WTIP: variants seen among roughly 807,000 people sequenced by gnomAD.
WTIP encodes the protein Wilms tumor protein 1-interacting protein.
In WTIP, 23 loss-of-function variants were observed where a neutral mutation model predicts 41.7. The observed-to-expected ratio is 0.55, with a 90% CI of 0.40 to 0.78. The LOEUF (loss-of-function observed/expected upper bound fraction) is 0.78. WTIP is among the 30% of genes least tolerant of loss of function. The probability of loss-of-function intolerance (pLI) is 0.00; values close to 1 mark genes in which losing one functional copy is unlikely to be tolerated. For synonymous variants in WTIP, 314 were observed against 269.9 expected (o/e 1.16, Z -1.60); for missense variants, 619 against 610.5 (o/e 1.01, Z -0.15).
Position 34,493,622 on chromosome 19 carries a change from C to G in WTIP, c.1031C>G (p.Thr344Arg). The G allele has an allele frequency of 2.5e-6, 4 of 1,613,314 alleles. No individual in the cohort carries two copies. The highest frequency in any genetic ancestry group is 3.4e-6 in the Non-Finnish European group (4 of 1,179,874). The change falls in exon 5 of 8, where the codon ACG (threonine) becomes AGG (arginine). Residue 344 changes from threonine to arginine, a missense_variant and splice_region_variant. Thr to Arg is a moderately conservative substitution (Grantham distance 71). This residue lies in a region of WTIP where 164 missense variants were observed against 219.1 expected (regional missense o/e 0.75). Transcript: ENST00000590071. This position sits in a 1 kb window ranked among gnomAD's most constrained non-coding sequence, Gnocchi z 4.1. Reference sequence around the variant, plus strand: ...ATCTACTGCGTGCGAGACTATCACACGTGAGTTGCTGGTGCTGTGGAGCAG... The same window carrying G: ...ATCTACTGCGTGCGAGACTATCACAGGTGAGTTGCTGGTGCTGTGGAGCAG... ...NNIYCVRDYHTVFAPKCASCA... is the reference protein window; with the variant it reads ...NNIYCVRDYHRVFAPKCASCA...
At chr19:34,495,653 C>T (rs2075849111) in intron 6 of WTIP, 50 bp from the exon 7 acceptor site, 1 of 1,604,304 alleles carries the variant, frequency 6.2e-7, no homozygotes, top group Non-Finnish European at 8.5e-7. Context: ...ACGCAGTTTG[C>T]CTCCAGTCCC....
chr19:34,493,468 C>T lies in WTIP; in HGVS notation c.901-24C>T, dbSNP rs1428661785. On this transcript the variant is annotated intron_variant, in intron 4 of 7. Coordinates refer to ENST00000590071, the MANE Select transcript of WTIP (RefSeq NM_001080436.2). The surrounding 1 kb of genome is among the most constrained non-coding windows in gnomAD (Gnocchi z 4.1). ...GTGCTGAGCCTCCTGCCCGCGCTGA[C>T]CCCTCAGTGTGCCCCGCCCACAGAT... 2 of 1,612,630 alleles carry T rather than the reference C, an allele frequency of 1.2e-6. No individual in the cohort carries two copies. Among genetic ancestry groups the T allele is most frequent in the African/African-American group, 2.7e-5 (2 of 74,904 alleles).
At position 34,482,410 on chromosome 19, in the gene WTIP, A is replaced by C; in HGVS notation, c.436A>C (p.Ser146Arg). ...GGGCAGCGCCCGCTCCAGCGTTTCC[A>C]GCCTCGGCTCCCGGGGCTCGGCCGG... ...SVGSARSSVS[S>R]LGSRGSAGAY... The change falls in exon 1 of 8, where the codon AGC becomes CGC. Residue 146 changes from serine (S) to arginine (R), a missense_variant. Around this residue, in one of 3 missense-constraint regions of WTIP, gnomAD observed 363 missense variants for 309.0 expected, o/e 1.17. Coordinates refer to ENST00000590071, the MANE Select transcript of WTIP (RefSeq NM_001080436.2). 7.4e-7 allele frequency: 1 copy of C among 1,359,510 alleles called. No homozygotes were observed. 84.2% of individuals were successfully genotyped at this position (1,359,510 alleles called of 1,614,324 possible).
At chr19:34,490,757 A>G (rs538578160) in intron 2 of WTIP, among the ~76,000 whole-genome samples, 2 of 152,332 alleles carry the variant, frequency 1.3e-5, no homozygotes, top group South Asian at 4.1e-4. Context: ...GAGCAGCGTC[A>G]GAAGCCCATG....
chr19:34,482,023 G>A lies in WTIP; in HGVS notation c.49G>A (p.Gly17Arg). 3.9e-6 allele frequency: 4 copies of A among 1,024,706 alleles called. No individual in the cohort carries two copies. The highest frequency in any genetic ancestry group is 4.7e-6 in the Non-Finnish European group (4 of 856,806). 63.5% of individuals were successfully genotyped at this position (1,024,706 alleles called of 1,614,324 possible). ...GGACGAGGCGGCCCTACTCCTGGCCGGGCTGGCCCTGCGGGAGCTGGAGCC... is the reference window on the plus strand; with the variant it reads ...GGACGAGGCGGCCCTACTCCTGGCCAGGCTGGCCCTGCGGGAGCTGGAGCC... The part of the protein sequence containing the change: ...GADEAALLLA[G>R]LALRELEPGC... Residue 17 changes from glycine (G) to arginine (R), a missense_variant, in exon 1 of 8, where the codon GGG becomes AGG. Transcript: ENST00000590071.
At chr19:34,500,069 G>A (rs1452012451) in intron 7 of WTIP, 60 bp from the exon 8 acceptor site, 9 of 1,566,272 alleles carry the variant, frequency 5.7e-6, no homozygotes, top group Admixed American at 1.7e-5. Flanking sequence ...CCCCCGTCCC[G>A]TGACCTCTGA....
At chr19:34,495,011 CCTGGCCTGGGGTCTTCCCACAGTG>C in intron 6 of WTIP, among the ~76,000 whole-genome samples, 1 of 152,350 alleles carries the variant, frequency 6.6e-6, no homozygotes. Context: ...CTACAGCTCT[CCTGGCCTGGGGTCTTCCCACAGTG>C]CTGGCTCTGT....
At position 34,482,661 on chromosome 19, in the gene WTIP, C is replaced by T. The variant is rs2075774992; in HGVS notation, c.667+20C>T. 8.2e-7 allele frequency: 1 copy of T among 1,226,280 alleles called. No individual in the cohort carries two copies. The allele number at this position is 1,226,280 out of a possible 1,614,324, so 76.0% of individuals were successfully genotyped here. A position where few individuals can be genotyped will look rare whatever the true frequency, so the allele number is the denominator to read the frequency against. The stretch of plus-strand genomic sequence containing the variant: ...ACTTCGGTGAGCTCGCTCGGCCCGG[C>T]AGTTCCCTGCGCGCATGGCTGGGGT... On this transcript the variant is annotated intron_variant, in intron 1 of 7. Coordinates refer to ENST00000590071, the MANE Select transcript of WTIP (RefSeq NM_001080436.2).
intron 7 of WTIP, among the ~76,000 whole-genome samples, chr19:34,499,521 C>T (rs759445808): frequency 9.2e-5 from 14 of 151,958 alleles, no homozygotes; most frequent in Admixed American, 6.6e-5. Context: ...CAACAACAAA[C>T]GAATAAACAA....
At chr19:34,486,960 T>C (rs1216288209) in intron 1 of WTIP, among the ~76,000 whole-genome samples, 1 of 151,528 alleles carries the variant, frequency 6.6e-6, no homozygotes, top group Non-Finnish European at 1.5e-5. Context: ...AGACAGGATC[T>C]AGCTCTGTTG....
rs2075837650 is a variant in WTIP at position 34,493,594 on chromosome 19, A to G, written c.1003A>G (p.Asn335Asp). 1 of 1,613,604 alleles carries G rather than the reference A, an allele frequency of 6.2e-7. No individual in the cohort carries two copies. Among genetic ancestry groups the G allele is most frequent in the Non-Finnish European group, 8.5e-7 (1 of 1,179,878 alleles). ...GVPFTVDVEN[N>D]IYCVRDYHTV... ...TCCCTTCACCGTGGACGTGGAGAAC[A>G]ACATCTACTGCGTGCGAGACTATCA... Residue 335 changes from asparagine (N) to aspartate (D), a missense_variant, in exon 5 of 8, where the codon AAC becomes GAC. Asn to Asp is a conservative substitution (Grantham distance 23, BLOSUM62 1). Around this residue, in one of 3 missense-constraint regions of WTIP, gnomAD observed 164 missense variants for 219.1 expected, o/e 0.75. Coordinates refer to ENST00000590071, the MANE Select transcript of WTIP (RefSeq NM_001080436.2). This position sits in a 1 kb window ranked among gnomAD's most constrained non-coding sequence, Gnocchi z 4.1.
Position 34,482,279 on chromosome 19 carries a change from GC to G in WTIP, c.306del (p.Gly103AlafsTer198). On this transcript the variant is annotated frameshift_variant, in exon 1 of 8. Transcript: ENST00000590071. LOFTEE classifies it high-confidence loss of function. Reference sequence around the variant, plus strand: ...GCGGGGTCCGACGGCGGCGGCGGTGGCGGCAGCGCCCGATCCAGCGGCATCA... The same window carrying G: ...GCGGGGTCCGACGGCGGCGGCGGTGGGGCAGCGCCCGATCCAGCGGCATCA... Reference protein sequence around the residue: ...SLAGSDGGGGGGSARSSGISL... With the variant: ...SLAGSDGGGGXGSARSSGISL... 1 of 1,317,410 alleles carries G rather than the reference GC, an allele frequency of 7.6e-7. No homozygotes were observed. The highest frequency in any genetic ancestry group is 9.7e-7 in the Non-Finnish European group (1 of 1,026,292). 81.6% of individuals were successfully genotyped at this position (1,317,410 alleles called of 1,614,324 possible).
intron 1 of WTIP, among the ~76,000 whole-genome samples, chr19:34,488,456 C>T (rs1241110648): frequency 6.6e-6 from 1 of 152,202 alleles, no homozygotes; most frequent in African/African-American, 2.4e-5. Context: ...GCCTCAAACT[C>T]CCAGGCTTAA....
intron 7 of WTIP, among the ~76,000 whole-genome samples, chr19:34,498,376 G>A (rs570862827): frequency 1.3e-5 from 2 of 152,172 alleles, no homozygotes; most frequent in African/African-American, 2.4e-5. Context: ...ACTTCCTTCC[G>A]GGCCCCCCAG....
At position 34,493,897 on chromosome 19, in the gene WTIP, C is replaced by T. The variant is rs965608734; in HGVS notation, c.1031+275C>T. On this transcript the variant is annotated intron_variant, in intron 5 of 7. Coordinates refer to ENST00000590071, the MANE Select transcript of WTIP (RefSeq NM_001080436.2). This position sits in a 1 kb window ranked among gnomAD's most constrained non-coding sequence, Gnocchi z 4.1. ...AGGGGACCCTCCTGGCTGCAGTACC[C>T]ACCATCTTTCCCCCTCCTCCCCTCC... Among the ~76,000 whole-genome samples the T allele has an allele frequency of 3.3e-5, 5 of 152,076 alleles. No individual in the cohort carries two copies. The highest frequency in any genetic ancestry group is 9.7e-5 in the African/African-American group (4 of 41,402).
In WTIP at chr19:34,482,368, C is replaced by A; in HGVS notation, c.394C>A (p.Pro132Thr). The A allele has an allele frequency of 1.5e-6, 2 of 1,375,078 alleles. No individual in the cohort carries two copies. The highest frequency in any genetic ancestry group is 1.9e-6 in the Non-Finnish European group (2 of 1,060,942). The allele number at this position is 1,375,078 out of a possible 1,614,324, so 85.2% of individuals were successfully genotyped here. Residue 132 changes from proline to threonine, a missense_variant, in exon 1 of 8, where the codon CCC becomes ACC. Around this residue, in one of 3 missense-constraint regions of WTIP, gnomAD observed 363 missense variants for 309.0 expected, o/e 1.17. Coordinates refer to ENST00000590071, the MANE Select transcript of WTIP (RefSeq NM_001080436.2). Reference protein sequence around the residue: ...RSGRSDPRPGPGPPSVGSARS... With the variant: ...RSGRSDPRPGTGPPSVGSARS... ...CGGTCGCTCGGACCCGCGTCCCGGT[C>A]CCGGGCCGCCTTCGGTGGGCAGCGC...
At chr19:34,497,671 C>T (rs888462283) in intron 7 of WTIP, among the ~76,000 whole-genome samples, 5 of 152,150 alleles carry the variant, frequency 3.3e-5, no homozygotes, top group East Asian at 3.9e-4. Context: ...GAGCAAGTGG[C>T]GGTGGGGAAT....
In WTIP at chr19:34,495,582, T is replaced by TC; in HGVS notation, c.1084-117dup. Reference sequence around the variant, plus strand: ...CCCCACAGAAGCAGCGTGGCAGTGCTCCCCGGGGCGGGCGTGCACCTCCGC... The same window carrying TC: ...CCCCACAGAAGCAGCGTGGCAGTGCTCCCCCGGGGCGGGCGTGCACCTCCGC... On this transcript the variant is annotated intron_variant, in intron 6 of 7. Coordinates refer to ENST00000590071, the MANE Select transcript of WTIP (RefSeq NM_001080436.2). The TC allele has an allele frequency of 3.7e-6, 4 of 1,070,978 alleles. No homozygotes were observed. The South Asian group carries it at 4.4e-5, about 12-fold the overall frequency. 66.3% of individuals were successfully genotyped at this position (1,070,978 alleles called of 1,614,324 possible). A position where few individuals can be genotyped will look rare whatever the true frequency, so the allele number is the denominator to read the frequency against.
Position 34,493,656 on chromosome 19 carries a change from C to G in WTIP, c.1031+34C>G. Reference sequence around the variant, plus strand: ...CTGGTGCTGTGGAGCAGGCGGGACTCGGGCCGTCCTCCCTGGCTCCTCTGG... The same window carrying G: ...CTGGTGCTGTGGAGCAGGCGGGACTGGGGCCGTCCTCCCTGGCTCCTCTGG... On this transcript the variant is annotated intron_variant, in intron 5 of 7. Transcript: ENST00000590071. This position sits in a 1 kb window ranked among gnomAD's most constrained non-coding sequence, Gnocchi z 4.1. 6.2e-7 allele frequency: 1 copy of G among 1,611,360 alleles called. No individual in the cohort carries two copies. Among genetic ancestry groups the G allele is most frequent in the Non-Finnish European group, 8.5e-7 (1 of 1,178,832 alleles).
Sources: gnomAD v4.1 joint callset for allele counts (sites outside exome capture counted in the v4.1 genomes callset) on GRCh38, gnomAD v4.1.1 for gene constraint, gnomAD v4.1.1 regional missense constraint, Gnocchi (gnomAD v3.1) non-coding constraint, MANE v1.5 for transcripts, NCBI Gene and HGNC (gene_info 2026-07-23, HGNC 2026-07-21) for gene names.